NOL10: variants seen among roughly 807,000 people sequenced by gnomAD.
The protein encoded by NOL10 is H_NH0074G24.1.
A neutral mutation model predicts 103.5 loss-of-function variants in NOL10; 58 were observed. The observed-to-expected ratio is 0.56, with a 90% CI of 0.45 to 0.70. The LOEUF is 0.70. Among genes scored for constraint, NOL10 ranks in the 30% least tolerant of loss-of-function variants. The pLI is 0.00. For synonymous variants in NOL10, 287 were observed against 282.5 expected (o/e 1.02, Z -0.16); for missense variants, 763 against 807.3 (o/e 0.95, Z 0.67).
intron 17 of NOL10, among the ~76,000 whole-genome samples, chr2:10,594,037 C>A (rs1488711596): frequency 6.6e-6 from 1 of 152,214 alleles, no homozygotes; most frequent in Non-Finnish European, 1.5e-5. Context: ...TTATTCCTCA[C>A]TGCCAAAAAA....
At chr2:10,669,529 C>G (rs1680792113) in intron 6 of NOL10, among the ~76,000 whole-genome samples, 1 of 150,576 alleles carries the variant, frequency 6.6e-6, no homozygotes, top group African/African-American at 2.4e-5. Context: ...CACACACACA[C>G]ACACACACAC....
chr2:10,689,608 G>A (rs906550742), intron 1 of NOL10, among the ~76,000 whole-genome samples, 188 bp downstream of exon 1: 1 of 152,210 alleles, frequency 6.6e-6, no homozygotes, highest in Admixed American at 6.5e-5. Context: ...GCGCGGTGAC[G>A]GCAGTGTCCT....
At chr2:10,606,742 A>G (rs1676283511) in intron 14 of NOL10, among the ~76,000 whole-genome samples, 1 of 152,168 alleles carries the variant, frequency 6.6e-6, no homozygotes, top group Non-Finnish European at 1.5e-5. Context: ...CTACATCTGA[A>G]GTTTCAATGT....
chr2:10,634,435 T>G (rs1038193926), intron 13 of NOL10: 3 of 450,600 alleles, frequency 6.7e-6, no homozygotes, highest in Non-Finnish European at 1.3e-5. Context: ...GCAGGTGGGG[T>G]GCAGGTGGGG....
chr2:10,639,726 G>GA (rs1678569222), intron 13 of NOL10, among the ~76,000 whole-genome samples: 1 of 152,028 alleles, frequency 6.6e-6, no homozygotes. Context: ...TGTTTCAGAG[G>GA]AAAAAGCAAG....
chr2:10,685,258 C>T (rs1273317978), intron 1 of NOL10, among the ~76,000 whole-genome samples: 3 of 152,088 alleles, frequency 2.0e-5, no homozygotes, highest in Admixed American at 2.0e-4. Context: ...TGGTGGCTCA[C>T]GCCTATAATC....
chr2:10,679,728 C>T (rs1484630455), intron 3 of NOL10, among the ~76,000 whole-genome samples: 2 of 152,062 alleles, frequency 1.3e-5, no homozygotes, highest in African/African-American at 2.4e-5. Flanking sequence ...TGGGTTCAAG[C>T]GATTCTCATG....
intron 12 of NOL10, among the ~76,000 whole-genome samples, chr2:10,650,616 C>T (rs998328148): frequency 7.9e-5 from 12 of 151,882 alleles, no homozygotes; most frequent in Non-Finnish European, 1.6e-4. Context: ...AGGGGAGAGC[C>T]GGCGTGATGG....
intron 8 of NOL10, among the ~76,000 whole-genome samples, chr2:10,665,707 A>C (rs1680523526): frequency 2.0e-5 from 3 of 152,108 alleles, no homozygotes; most frequent in Admixed American, 2.0e-4. Context: ...GACCCTAAAA[A>C]CTATTTTCTC....
At chr2:10,661,919 A>C (rs1558333979) in intron 9 of NOL10, among the ~76,000 whole-genome samples, 1 of 151,810 alleles carries the variant, frequency 6.6e-6, no homozygotes, top group East Asian at 1.9e-4. Context: ...AAAAAAAAAA[A>C]CCCTCTAGTT....
intron 17 of NOL10, among the ~76,000 whole-genome samples, chr2:10,598,255 GATGCACCGTGA>G (rs1181501031): frequency 1.3e-5 from 2 of 152,202 alleles, no homozygotes; most frequent in African/African-American, 4.8e-5. Context: ...CAGGCGGTGT[GATGCACCGTGA>G]ATTTCCTGTT....
At chr2:10,624,164 T>C (rs1677307446) in intron 13 of NOL10, among the ~76,000 whole-genome samples, 1 of 151,858 alleles carries the variant, frequency 6.6e-6, no homozygotes, top group Non-Finnish European at 1.5e-5. Flanking sequence ...TCTCCAGAAG[T>C]AGATTTTTCT....
At position 10,622,496 on chromosome 2, in the gene NOL10, A is replaced by AAAAAAAAG. The variant is rs144600201; in HGVS notation, c.1027-15186_1027-15185insCTTTTTTT. On this transcript the variant is annotated intron_variant, in intron 13 of 20. Coordinates refer to ENST00000381685, the MANE Select transcript of NOL10 (RefSeq NM_024894.4). ...TTAGTTAGAGCGTTTTTCAAAAAAA[A>AAAAAAAAG]AGAGAGAAGAAAAAATAAACACCCC... Among the ~76,000 whole-genome samples, 915 of 148,870 alleles carry AAAAAAAAG rather than the reference A, an allele frequency of 6.1e-3. 11 individuals are homozygous for AAAAAAAAG. The highest frequency in any genetic ancestry group is 0.019 in the African/African-American group (788 of 40,418).
chr2:10,689,935 C>A lies in NOL10; in HGVS notation c.-74G>T, dbSNP rs538844986. The A allele has an allele frequency of 4.4e-5, 63 of 1,418,796 alleles. 2 individuals are homozygous for A. The South Asian group carries it at 7.4e-4, about 17-fold the overall frequency. The allele number at this position is 1,418,796 out of a possible 1,614,324, so 87.9% of individuals were successfully genotyped here. On this transcript the variant is annotated 5_prime_UTR_variant, in exon 1 of 21. Coordinates refer to ENST00000381685, the MANE Select transcript of NOL10 (RefSeq NM_024894.4). ...CTCGAGCACCGTAATCCCGGGACCT[C>A]CGAGCCCCTGCTCCGCGGCGTGCGG...
chr2:10,645,645 T>G (rs1445725571), intron 12 of NOL10, among the ~76,000 whole-genome samples: 1 of 151,712 alleles, frequency 6.6e-6, no homozygotes, highest in Non-Finnish European at 1.5e-5. Context: ...GTCATTCTCC[T>G]GCCTCAGCCT....
chr2:10,679,624 CTCTCTTTCTT>C (rs149666808), intron 3 of NOL10, among the ~76,000 whole-genome samples: 31,018 of 150,248 alleles, frequency 0.21, 4,141 homozygotes, highest in Non-Finnish European at 0.3. Context: ...CTCTCTTTCT[CTCTCTTTCTT>C]TCTTTCTTTG....
chr2:10,636,749 G>A (rs1390305121), intron 13 of NOL10, among the ~76,000 whole-genome samples: 2 of 152,034 alleles, frequency 1.3e-5, no homozygotes, highest in South Asian at 2.1e-4. Flanking sequence ...CATCTATATA[G>A]GAAGAAGATC....
At chr2:10,619,644 T>TAA (rs76265500) in intron 13 of NOL10, among the ~76,000 whole-genome samples, 4 of 152,066 alleles carry the variant, frequency 2.6e-5, no homozygotes, top group South Asian at 2.1e-4. Context: ...TTAAATAGCA[T>TAA]AAAAAAATCC....
chr2:10,603,188 C>T (rs749901401), intron 14 of NOL10, 31 bp from the exon 15 acceptor site: 2 of 1,509,442 alleles, frequency 1.3e-6, no homozygotes, highest in East Asian at 2.3e-5. Context: ...GACAGCAGGT[C>T]CTTATGCAAT....
Sources: allele counts gnomAD v4.1 joint callset (sites outside exome capture counted in the v4.1 genomes callset), GRCh38; gene constraint gnomAD v4.1.1; transcripts MANE v1.5; gene names NCBI Gene and HGNC (gene_info 2026-07-23, HGNC 2026-07-21).